Variants in CLASP2 observed in about 807,000 individuals in gnomAD.
The protein encoded by CLASP2 is cytoplasmic linker associated protein 2, also known as CLIP-associating protein 2.
A neutral mutation model predicts 194.4 loss-of-function variants in CLASP2; 47 were observed. The ratio of observed to expected loss-of-function variants is 0.24; its 90% CI spans 0.19 to 0.31. The LOEUF (loss-of-function observed/expected upper bound fraction) is 0.31, where lower values mean the gene tolerates loss of function less well. CLASP2 is among the 10% of genes least tolerant of loss of function. The pLI is 1.00. For synonymous variants in CLASP2, 619 were observed against 633.5 expected (o/e 0.98, Z 0.34); for missense variants, 1,445 against 1,823.6 (o/e 0.79, Z 3.78).
At chr3:33,714,798 C>T (rs2093212876) in intron 1 of CLASP2, among the ~76,000 whole-genome samples, 1 of 152,106 alleles carries the variant, frequency 6.6e-6, no homozygotes, top group Admixed American at 6.5e-5. Context: ...TGGTCTCAAA[C>T]TCCTGGCCTC....
intron 3 of CLASP2, 91 bp downstream of exon 3, chr3:33,689,738 G>A: frequency 1.3e-6 from 1 of 757,478 alleles, no homozygotes; most frequent in Non-Finnish European, 2.0e-6. Flanking sequence ...ACAAATCATT[G>A]CTTAAAATTT....
intron 30 of CLASP2, 27 bp downstream of exon 30, chr3:33,551,225 T>C (rs748802856): frequency 6.3e-7 from 1 of 1,575,712 alleles, no homozygotes; most frequent in Admixed American, 1.8e-5. Flanking sequence ...TCCCAATTTA[T>C]CTTCTAAACC....
intron 1 of CLASP2, among the ~76,000 whole-genome samples, chr3:33,705,484 CA>C (rs1246667416): frequency 6.6e-6 from 1 of 152,006 alleles, no homozygotes; most frequent in Non-Finnish European, 1.5e-5. Flanking sequence ...GATGGGTGCA[CA>C]AACCTGTAGC....
At chr3:33,594,695 A>G (rs2069757568) in intron 20 of CLASP2, among the ~76,000 whole-genome samples, 1 of 151,648 alleles carries the variant, frequency 6.6e-6, no homozygotes, top group South Asian at 2.1e-4. Context: ...AGATATTATT[A>G]AACATGTTAA....
intron 34 of CLASP2, among the ~76,000 whole-genome samples, chr3:33,524,557 G>A (rs2053991129): frequency 6.6e-6 from 1 of 152,084 alleles, no homozygotes; most frequent in Non-Finnish European, 1.5e-5. Context: ...AGGCTGAGGT[G>A]GGAGAATCCA....
intron 33 of CLASP2, among the ~76,000 whole-genome samples, chr3:33,536,601 G>A (rs1201659910): frequency 6.6e-6 from 1 of 152,160 alleles, no homozygotes; most frequent in East Asian, 1.9e-4. Flanking sequence ...AAAGCCTATT[G>A]TATAGACTTT....
intron 11 of CLASP2, among the ~76,000 whole-genome samples, chr3:33,621,496 T>C (rs905089504): frequency 6.6e-6 from 1 of 152,212 alleles, no homozygotes; most frequent in Admixed American, 6.5e-5. Flanking sequence ...TGGATAGTTA[T>C]ATCATCTGTT....
chr3:33,600,279 T>C (rs1442150091), intron 18 of CLASP2, among the ~76,000 whole-genome samples: 2 of 152,278 alleles, frequency 1.3e-5, no homozygotes, highest in East Asian at 3.9e-4. Context: ...GAGTGGACAT[T>C]CTCGTCTTGT....
chr3:33,597,571 G>A (rs1459592384), intron 18 of CLASP2, among the ~76,000 whole-genome samples: 2 of 151,824 alleles, frequency 1.3e-5, no homozygotes, highest in Non-Finnish European at 2.9e-5. Flanking sequence ...TTTCTTTTTG[G>A]GAGTCTGGGA....
At chr3:33,598,545 C>T (rs1380547197) in intron 18 of CLASP2, among the ~76,000 whole-genome samples, 1 of 152,162 alleles carries the variant, frequency 6.6e-6, no homozygotes, top group Non-Finnish European at 1.5e-5. Flanking sequence ...TTCATCCTTA[C>T]ACTTCTAACT....
intron 33 of CLASP2, among the ~76,000 whole-genome samples, chr3:33,536,762 G>T (rs1045905875): frequency 1.3e-5 from 2 of 152,200 alleles, no homozygotes; most frequent in East Asian, 3.8e-4. Flanking sequence ...AAAGGCAGTG[G>T]TGAGAATAGG....
At chr3:33,644,325 A>G (rs1389462575) in intron 8 of CLASP2, 1 of 168,428 alleles carries the variant, frequency 5.9e-6, no homozygotes, top group East Asian at 1.7e-4. Flanking sequence ...CAGTATCTTC[A>G]ACCATTTTTT....
intron 8 of CLASP2, among the ~76,000 whole-genome samples, chr3:33,641,398 G>GT (rs1443665318): frequency 6.6e-6 from 1 of 151,808 alleles, no homozygotes; most frequent in Non-Finnish European, 1.5e-5. Flanking sequence ...ATTCTAATTA[G>GT]TAAGGCACAA....
In CLASP2 at chr3:33,663,468, C is replaced by T. The variant is rs1170531163; in HGVS notation, c.692G>A (p.Gly231Asp). 2.5e-6 allele frequency: 4 copies of T among 1,612,288 alleles called. No homozygotes were observed. Among genetic ancestry groups the T allele is most frequent in the Non-Finnish European group, 3.4e-6 (4 of 1,179,020 alleles). The change falls in exon 7 of 39, where the codon GGT (glycine) becomes GAT (aspartate). Residue 231 changes from glycine to aspartate, a missense_variant. Coordinates refer to ENST00000682230, the MANE Select transcript of CLASP2 (RefSeq NM_001365631.1). ...ACCTTTGCAGACACTCAAAATCATA[C>T]CGCCTGAACTTTGCACTTCATCAAA... ...AKFDEVQSSG[G>D]MILSVCKDKS...
At position 33,581,851 on chromosome 3, in the gene CLASP2, T is replaced by G. The variant is rs779165122; in HGVS notation, c.2317A>C (p.Thr773Pro). 1.9e-6 allele frequency: 3 copies of G among 1,613,536 alleles called. No individual in the cohort carries two copies. Among genetic ancestry groups the G allele is most frequent in the Non-Finnish European group, 2.5e-6 (3 of 1,179,726 alleles). ...REASRESSRD[T>P]SPVRSFQPLG... ...GGCTGAAAAGAGCGAACAGGACTTG[T>G]GTCTCTGCTGCTCTCCCGACTAGCT... The change falls in exon 23 of 39, where the codon ACA becomes CCA. Residue 773 changes from threonine (T) to proline (P), a missense_variant. Transcript: ENST00000682230.
chr3:33,501,959 T>TG, intron 37 of CLASP2, 191 bp from the exon 38 acceptor site: 1 of 537,468 alleles, frequency 1.9e-6, no homozygotes, highest in East Asian at 3.2e-5. Context: ...CTTCCCCTAC[T>TG]GCGCCCTCAC....
At chr3:33,669,776 G>C (rs988663758) in intron 6 of CLASP2, among the ~76,000 whole-genome samples, 5 of 152,022 alleles carry the variant, frequency 3.3e-5, no homozygotes, top group African/African-American at 1.2e-4. Flanking sequence ...ACAAAATAAT[G>C]GTGAATATGT....
At chr3:33,634,817 C>T (rs960952979) in intron 8 of CLASP2, among the ~76,000 whole-genome samples, 16 of 152,074 alleles carry the variant, frequency 1.1e-4, no homozygotes, top group African/African-American at 3.9e-4. Flanking sequence ...ATAGTAAAAT[C>T]ATTCAAAATT....
intron 18 of CLASP2, chr3:33,602,610 A>G (rs760424455): frequency 2.3e-5 from 17 of 751,116 alleles, no homozygotes; most frequent in South Asian, 2.2e-4. Flanking sequence ...GAAGAGAAGT[A>G]GGAGAAAGAA....
Sources: gnomAD v4.1 joint callset for allele counts (sites outside exome capture counted in the v4.1 genomes callset) on GRCh38, gnomAD v4.1.1 for gene constraint, MANE v1.5 for transcripts, NCBI Gene and HGNC (gene_info 2026-07-23, HGNC 2026-07-21) for gene names.